RUNX1: variants seen among roughly 807,000 people sequenced by gnomAD.
The protein encoded by RUNX1 is RUNX family transcription factor 1.
In RUNX1, 19 loss-of-function variants were observed where a neutral mutation model predicts 42.8. The observed-to-expected ratio is 0.44, with a 90% CI of 0.31 to 0.65. The LOEUF (loss-of-function observed/expected upper bound fraction) is 0.65. Ranked by LOEUF, RUNX1 falls within the 30% of genes least tolerant of loss-of-function variation. RUNX1 has a pLI of 0.07. For missense variants in RUNX1, 528 were observed against 672.0 expected, an observed-to-expected ratio of 0.79 and a Z score of 2.37; for synonymous variants, 271 against 289.4, an observed-to-expected ratio of 0.94 and a Z score of 0.64.
chr21:34,875,649 T>G (rs926175930), intron 5 of RUNX1, among the ~76,000 whole-genome samples: 1 of 152,182 alleles, frequency 6.6e-6, no homozygotes, highest in African/African-American at 2.4e-5. Context: ...CCTTCTTCTA[T>G]TATATGAATC....
At chr21:34,807,493 T>G (rs2056696081) in intron 7 of RUNX1, among the ~76,000 whole-genome samples, 1 of 152,206 alleles carries the variant, frequency 6.6e-6, no homozygotes, top group Non-Finnish European at 1.5e-5. Flanking sequence ...CTACCATCTA[T>G]TTTTGAAAAA....
chr21:34,906,264 G>A lies in RUNX1; in HGVS notation c.59-13301C>T, dbSNP rs1367951268. Reference sequence around the variant, plus strand: ...GTTATGCTGGGTTTTGACAGGTTTGGGGGTTTAAGAAACTGGGTTGGTTCG... The same window carrying A: ...GTTATGCTGGGTTTTGACAGGTTTGAGGGTTTAAGAAACTGGGTTGGTTCG... On this transcript the variant is annotated intron_variant, in intron 2 of 8. Transcript: ENST00000675419. 2.6e-5 allele frequency among the ~76,000 whole-genome samples: 4 copies of A among 152,256 alleles called. No homozygotes were observed. The East Asian group carries it at 7.7e-4, about 29-fold the overall frequency.
chr21:34,902,054 G>A (rs1326140745), intron 2 of RUNX1, among the ~76,000 whole-genome samples: 3 of 152,162 alleles, frequency 2.0e-5, no homozygotes, highest in African/African-American at 7.2e-5. Flanking sequence ...GAGTAAAAAA[G>A]AAATGAATGA....
intron 2 of RUNX1, among the ~76,000 whole-genome samples, chr21:34,898,209 G>T (rs28413980): frequency 0.022 from 3,382 of 152,270 alleles, 135 homozygotes; most frequent in African/African-American, 0.076. Flanking sequence ...TCAAGTAAGG[G>T]CTCAGGTTAT....
At chr21:35,038,607 CTCTCTCTGTGTG>C (rs1446985137) in intron 2 of RUNX1, 11 of 296,546 alleles carry the variant, frequency 3.7e-5, no homozygotes, top group African/African-American at 2.7e-4. Context: ...CTCTCTCTCT[CTCTCTCTGTGTG>C]TGTGTGTGTG....
At chr21:34,998,058 G>C (rs895381866) in intron 2 of RUNX1, among the ~76,000 whole-genome samples, 3 of 152,086 alleles carry the variant, frequency 2.0e-5, no homozygotes, top group African/African-American at 7.2e-5. Context: ...ACATTATCTA[G>C]ACATCTACCA....
At chr21:34,890,782 T>TCGCG (rs1030920388) in intron 3 of RUNX1, among the ~76,000 whole-genome samples, 4 of 117,968 alleles carry the variant, frequency 3.4e-5, no homozygotes, top group African/African-American at 1.3e-4. Flanking sequence ...GAAGAGTGCA[T>TCGCG]CGCGCGCGCC....
Position 34,810,823 on chromosome 21 carries a change from G to A in RUNX1, c.806-11361C>T, listed in dbSNP as rs142196715. ...AGGATAACAGTGTCTGGAGAGTACT[G>A]TTGGCTTAGCTGGTTGTTGCTCCAG... On this transcript the variant is annotated intron_variant, in intron 7 of 8. Transcript: ENST00000675419. Among the ~76,000 whole-genome samples the A allele has an allele frequency of 3.7e-3, 565 of 152,306 alleles. 6 individuals carry two copies. Among genetic ancestry groups the A allele is most frequent in the African/African-American group, 0.013 (544 of 41,562 alleles).
At chr21:34,914,598 G>A (rs1000002171) in intron 2 of RUNX1, among the ~76,000 whole-genome samples, 1 of 152,146 alleles carries the variant, frequency 6.6e-6, no homozygotes, top group Non-Finnish European at 1.5e-5. Context: ...ATGGGAGAAG[G>A]AAGTGGCAAC....
Position 34,999,912 on chromosome 21 carries a change from T to C in RUNX1, c.58+48930A>G, listed in dbSNP as rs146191117. ...TTAAAGCTAAGTGAAATTTTCCAAA[T>C]GATTTCAGCTGGCTCTACCTAGTGG... On this transcript the variant is annotated intron_variant, in intron 2 of 8. Coordinates refer to ENST00000675419, the MANE Select transcript of RUNX1 (RefSeq NM_001754.5). Among the ~76,000 whole-genome samples, 152 of 152,342 alleles carry C rather than the reference T, an allele frequency of 1.0e-3. 2 individuals are homozygous for C. Among genetic ancestry groups the C allele is most frequent in the African/African-American group, 3.5e-3 (144 of 41,580 alleles).
intron 5 of RUNX1, among the ~76,000 whole-genome samples, chr21:34,860,458 T>C (rs939724236): frequency 2.6e-5 from 4 of 152,092 alleles, no homozygotes; most frequent in Non-Finnish European, 5.9e-5. Context: ...TAGGGGAGAT[T>C]AAATGATTTA....
intron 2 of RUNX1, among the ~76,000 whole-genome samples, chr21:35,012,425 A>G (rs565363642): frequency 6.6e-6 from 1 of 152,356 alleles, no homozygotes; most frequent in South Asian, 2.1e-4. Flanking sequence ...TATTTCTCAC[A>G]TCTATAATTC....
chr21:34,867,388 C>T (rs1308660024), intron 5 of RUNX1, among the ~76,000 whole-genome samples: 4 of 152,200 alleles, frequency 2.6e-5, no homozygotes, highest in Admixed American at 2.0e-4. Context: ...TGCAGTGAGC[C>T]GAGATCACGC....
At position 34,791,293 on chromosome 21, in the gene RUNX1, ATAT is replaced by A. The variant is rs1982398280; in HGVS notation, c.*839_*841del. ...AGAACAAAAGAAAATGTAGTACTTG[ATAT>A]TTTTCTTAATATAAGTACATTTAAA... On this transcript the variant is annotated 3_prime_UTR_variant, in exon 9 of 9. Transcript: ENST00000675419. The A allele has an allele frequency of 4.3e-6, 1 of 232,546 alleles. No homozygotes were observed. The highest frequency in any genetic ancestry group is 8.5e-6 in the Non-Finnish European group (1 of 117,396). The allele number at this position is 232,546 out of a possible 1,614,324, so 14.4% of individuals were successfully genotyped here.
chr21:34,870,438 G>T (rs997237673), intron 5 of RUNX1, among the ~76,000 whole-genome samples: 1 of 152,254 alleles, frequency 6.6e-6, no homozygotes, highest in African/African-American at 2.4e-5. Context: ...GCCCCCAGGG[G>T]ACATGACGCA....
chr21:34,863,657 C>T (rs1322894347), intron 5 of RUNX1, among the ~76,000 whole-genome samples: 3 of 147,382 alleles, frequency 2.0e-5, no homozygotes, highest in Non-Finnish European at 4.4e-5. Flanking sequence ...CGGGTTCAAG[C>T]GATTCTCCTG....
chr21:34,917,356 C>T (rs1026595159), intron 2 of RUNX1, among the ~76,000 whole-genome samples: 1 of 152,194 alleles, frequency 6.6e-6, no homozygotes, highest in African/African-American at 2.4e-5. Context: ...GAGGCTAGGG[C>T]ACAGATGCAG....
At chr21:35,042,254 A>G (rs544277500) in intron 2 of RUNX1, among the ~76,000 whole-genome samples, 3 of 152,338 alleles carry the variant, frequency 2.0e-5, no homozygotes, top group African/African-American at 7.2e-5. Context: ...TGGGTCAACA[A>G]TAAATATTCA....
intron 2 of RUNX1, among the ~76,000 whole-genome samples, chr21:34,893,928 G>T (rs1480374281): frequency 6.6e-6 from 1 of 151,954 alleles, no homozygotes; most frequent in East Asian, 1.9e-4. Flanking sequence ...AGGTTCTGAA[G>T]GACTGCTCTA....
Sources: allele counts gnomAD v4.1 joint callset (sites outside exome capture counted in the v4.1 genomes callset), GRCh38; gene constraint gnomAD v4.1.1; transcripts MANE v1.5; gene names NCBI Gene and HGNC (gene_info 2026-07-23, HGNC 2026-07-21).